Variants in PEX7 observed in about 807,000 individuals in gnomAD.
PEX7 encodes peroxisomal biogenesis factor 7.
PEX7 carries 34 observed loss-of-function variants against 47.5 expected under a neutral mutation model. That is an observed-to-expected ratio of 0.72 (90% CI 0.54 to 0.95). PEX7 has a LOEUF of 0.95. Ranked by LOEUF, PEX7 falls within the 40% of genes least tolerant of loss-of-function variation. PEX7 has a pLI of 0.00. For synonymous variants in PEX7, 141 were observed against 148.8 expected (o/e 0.95, Z 0.38); for missense variants, 394 against 400.3 (o/e 0.98, Z 0.13).
chr6:136,899,084 T>TC lies in PEX7; in HGVS notation c.903+843_903+844insC, dbSNP rs529733013. 3.3e-3 allele frequency among the ~76,000 whole-genome samples: 480 copies of TC among 143,296 alleles called. 8 individuals are homozygous for TC. In the South Asian group the frequency reaches 0.042, roughly 13 times the overall value. 94.0% of individuals were successfully genotyped at this position (143,296 alleles called of 152,430 possible). On this transcript the variant is annotated intron_variant, in intron 9 of 9. Transcript: ENST00000318471. Reference sequence around the variant, plus strand: ...TAAGTGTTTTTTTTTTCTTTTCTTTTTTTTTTTTTTTTTTGAGACAGAGTT... The same window carrying TC: ...TAAGTGTTTTTTTTTTCTTTTCTTTTCTTTTTTTTTTTTTTGAGACAGAGTT...
intron 8 of PEX7, among the ~76,000 whole-genome samples, chr6:136,886,778 C>T (rs149231559): frequency 1.8e-4 from 28 of 152,252 alleles, no homozygotes; most frequent in African/African-American, 6.7e-4. Context: ...AGGGGCTGGG[C>T]ACAGTGGCTT....
Position 136,900,454 on chromosome 6 carries a change from A to G in PEX7, c.903+2213A>G. On this transcript the variant is annotated intron_variant, in intron 9 of 9. Coordinates refer to ENST00000318471, the MANE Select transcript of PEX7 (RefSeq NM_000288.4). The surrounding 1 kb of genome is among the most constrained non-coding windows in gnomAD (Gnocchi z 4.2). The stretch of plus-strand genomic sequence containing the variant: ...AGTGTGAGCCACAGACTTGGGACCA[A>G]GGACATTGCCCCCCCAGTGACAGCA... 1 of 451,766 alleles carries G rather than the reference A, an allele frequency of 2.2e-6. No homozygotes were observed. Among genetic ancestry groups the G allele is most frequent in the South Asian group, 1.7e-5 (1 of 59,650 alleles). 28.0% of individuals were successfully genotyped at this position (451,766 alleles called of 1,614,324 possible). A position where few individuals can be genotyped will look rare whatever the true frequency, so the allele number is the denominator to read the frequency against.
chr6:136,864,250 C>T (rs1274164838), intron 5 of PEX7, among the ~76,000 whole-genome samples: 2 of 151,664 alleles, frequency 1.3e-5, no homozygotes, highest in African/African-American at 4.9e-5. Context: ...CAAATATTAA[C>T]TATTATTCAT....
chr6:136,879,105 A>T (rs919107914), intron 8 of PEX7, among the ~76,000 whole-genome samples: 4 of 151,742 alleles, frequency 2.6e-5, no homozygotes, highest in Non-Finnish European at 5.9e-5. Flanking sequence ...ATTTTGTTTC[A>T]TTTATGCTTT....
intron 3 of PEX7, among the ~76,000 whole-genome samples, chr6:136,837,473 T>A (rs891510279): frequency 3.3e-5 from 5 of 152,102 alleles, no homozygotes; most frequent in Non-Finnish European, 7.4e-5. Context: ...AAACTTGTGA[T>A]TTATTTTTCT....
At chr6:136,853,934 C>CT in intron 5 of PEX7, among the ~76,000 whole-genome samples, 1 of 152,148 alleles carries the variant, frequency 6.6e-6, no homozygotes, top group East Asian at 1.9e-4. Flanking sequence ...TAAGTCATAG[C>CT]TTTTTTTGTC....
At chr6:136,866,154 A>G (rs1056768410) in intron 5 of PEX7, among the ~76,000 whole-genome samples, 4 of 151,956 alleles carry the variant, frequency 2.6e-5, no homozygotes, top group African/African-American at 7.2e-5. Flanking sequence ...AGAAAAATAC[A>G]CTTATAGCTG....
chr6:136,908,268 A>G (rs1775875940), intron 9 of PEX7, among the ~76,000 whole-genome samples: 1 of 152,318 alleles, frequency 6.6e-6, no homozygotes, highest in African/African-American at 2.4e-5. Context: ...AGAAATACCT[A>G]TTTTGCTGTA....
At chr6:136,884,698 C>A (rs903659479) in intron 8 of PEX7, among the ~76,000 whole-genome samples, 3 of 152,096 alleles carry the variant, frequency 2.0e-5, no homozygotes, top group Admixed American at 2.0e-4. Context: ...TAGCTCATTA[C>A]ATTTCACAGA....
intron 5 of PEX7, among the ~76,000 whole-genome samples, chr6:136,848,187 A>G (rs1774664615): frequency 6.6e-6 from 1 of 152,196 alleles, no homozygotes. Context: ...ATTCTTGCAC[A>G]TTGATTTTGT....
At position 136,846,708 on chromosome 6, in the gene PEX7, G is replaced by A. The variant is rs368089502; in HGVS notation, c.526+527G>A. ...TTATGGCTGCATAGTATTCCATGGT[G>A]TATATGTGCCACATTTTCTTGATCC... is the stretch of plus-strand genomic sequence containing the variant. On this transcript the variant is annotated intron_variant, in intron 5 of 9. Transcript: ENST00000318471. Among the ~76,000 whole-genome samples the A allele has an allele frequency of 1.2e-4, 18 of 152,298 alleles. No individual in the cohort carries two copies. The East Asian group carries it at 2.7e-3, about 23-fold the overall frequency.
rs899695340 is a variant in PEX7, at chr6:136,881,057, GAGGTTA to G, written c.803+8808_803+8813del. On this transcript the variant is annotated intron_variant, in intron 8 of 9. Transcript: ENST00000318471. ...AACTGTGGAGCTAGATCACTGGCTG[GAGGTTA>G]AGGCTGTGCATGTAGATTTGGACAC... Among the ~76,000 whole-genome samples, 30 of 152,298 alleles carry G rather than the reference GAGGTTA, an allele frequency of 2.0e-4. 1 individual carries two copies. The highest frequency in any genetic ancestry group is 9.1e-4 in the Admixed American group (14 of 15,302).
intron 5 of PEX7, among the ~76,000 whole-genome samples, chr6:136,859,014 G>A (rs770804868): frequency 6.6e-6 from 1 of 152,184 alleles, no homozygotes; most frequent in Non-Finnish European, 1.5e-5. Context: ...CAGTCAAGAT[G>A]TATTTTTATG....
At position 136,866,686 on chromosome 6, in the gene PEX7, G is replaced by A. The variant is rs761446350; in HGVS notation, c.586G>A (p.Ala196Thr). Reference protein sequence around the residue: ...KAAGVRIVIPAHQAEILSCDW... With the variant: ...KAAGVRIVIPTHQAEILSCDW... ...AGCAGGAGTAAGAATCGTGATTCCT[G>A]CACATCAGGCAGAAATCTTGAGTTG... Residue 196 changes from alanine to threonine, a missense_variant, in exon 6 of 10, where the codon GCA (alanine) becomes ACA (threonine). Transcript: ENST00000318471. The A allele has an allele frequency of 6.2e-7, 1 of 1,614,000 alleles. No homozygotes were observed. The highest frequency in any genetic ancestry group is 8.5e-7 in the Non-Finnish European group (1 of 1,179,948).
chr6:136,856,851 A>G (rs1377519397), intron 5 of PEX7, among the ~76,000 whole-genome samples: 2 of 152,242 alleles, frequency 1.3e-5, no homozygotes, highest in African/African-American at 4.8e-5. Context: ...ATGAAAATCA[A>G]GTACTGGACC....
In PEX7 at chr6:136,898,127, T is replaced by C; in HGVS notation, c.804-15T>C. The C allele has an allele frequency of 6.8e-7, 1 of 1,481,286 alleles. No homozygotes were observed. Among genetic ancestry groups the C allele is most frequent in the Non-Finnish European group, 9.4e-7 (1 of 1,058,974 alleles). 91.8% of individuals were successfully genotyped at this position (1,481,286 alleles called of 1,614,324 possible). On this transcript the variant is annotated splice_polypyrimidine_tract_variant and intron_variant, in intron 8 of 9. Coordinates refer to ENST00000318471, the MANE Select transcript of PEX7 (RefSeq NM_000288.4). Reference sequence around the variant, plus strand: ...TTTTAGCATTTAAATTATTCCCTTTTATTTATCTTCACAGATTCTGGAACT... The same window carrying C: ...TTTTAGCATTTAAATTATTCCCTTTCATTTATCTTCACAGATTCTGGAACT...
At chr6:136,830,023 G>T in intron 3 of PEX7, 1 of 715,140 alleles carries the variant, frequency 1.4e-6, no homozygotes. Context: ...CAGGGAAGCT[G>T]TGTTGTGAAA....
chr6:136,870,696 T>C (rs1470082938), intron 7 of PEX7: 3 of 387,468 alleles, frequency 7.7e-6, no homozygotes, highest in South Asian at 5.7e-5. Context: ...TCCTACTATT[T>C]AAAAAATTCT....
At chr6:136,824,595 TC>T (rs1774154305) in intron 1 of PEX7, among the ~76,000 whole-genome samples, 1 of 152,178 alleles carries the variant, frequency 6.6e-6, no homozygotes, top group South Asian at 2.1e-4. Context: ...GAAGAGATTT[TC>T]CCCCTTGGTC....
Sources: gnomAD v4.1 joint callset for allele counts (sites outside exome capture counted in the v4.1 genomes callset) on GRCh38, gnomAD v4.1.1 for gene constraint, Gnocchi (gnomAD v3.1) non-coding constraint, MANE v1.5 for transcripts, NCBI Gene and HGNC (gene_info 2026-07-23, HGNC 2026-07-21) for gene names.